Variants in SMC5 observed in about 807,000 individuals in gnomAD.
SMC5 encodes the protein structural maintenance of chromosomes protein 5.
SMC5 carries 88 observed loss-of-function variants against 148.3 expected under a neutral mutation model. The observed-to-expected ratio is 0.59, with a 90% CI of 0.50 to 0.71. SMC5 has a LOEUF of 0.71. SMC5 is among the 30% of genes least tolerant of loss of function. The pLI, the probability that SMC5 is intolerant of heterozygous loss-of-function variation, is 0.00. For synonymous variants in SMC5, 421 were observed against 432.8 expected, an observed-to-expected ratio of 0.97 and a Z score of 0.34; for missense variants, 1,142 against 1,298.9, an observed-to-expected ratio of 0.88 and a Z score of 1.86.
At chr9:70,337,536 A>G (rs1230697331) in intron 17 of SMC5, among the ~76,000 whole-genome samples, 1 of 144,876 alleles carries the variant, frequency 6.9e-6, no homozygotes, top group Non-Finnish European at 1.5e-5. Flanking sequence ...GCTCACTGCA[A>G]CCTCAGTCTC....
At position 70,300,274 on chromosome 9, in the gene SMC5, A is replaced by T. The variant is rs895581052; in HGVS notation, c.1464+74A>T. 4 of 1,353,176 alleles carry T rather than the reference A, an allele frequency of 3.0e-6. No homozygotes were observed. In the African/African-American group the frequency reaches 6.0e-5, roughly 20 times the overall value. The allele number at this position is 1,353,176 out of a possible 1,614,324, so 83.8% of individuals were successfully genotyped here. ...ATAGATTTTTGTTTTAAGACATTTTAGTCCCAATATTACCCTGGTTTTACA... is the reference window on the plus strand; with the variant it reads ...ATAGATTTTTGTTTTAAGACATTTTTGTCCCAATATTACCCTGGTTTTACA... On this transcript the variant is annotated intron_variant, in intron 10 of 24. Transcript: ENST00000361138.
chr9:70,263,620 G>T (rs1347005628), intron 1 of SMC5, among the ~76,000 whole-genome samples: 2 of 152,132 alleles, frequency 1.3e-5, no homozygotes, highest in African/African-American at 4.8e-5. Flanking sequence ...ATAAAGATTA[G>T]ATGCTAACTA....
At chr9:70,325,432 TC>T (rs1390432527) in intron 17 of SMC5, among the ~76,000 whole-genome samples, 4 of 152,162 alleles carry the variant, frequency 2.6e-5, no homozygotes, top group African/African-American at 9.7e-5. Flanking sequence ...ACTGCCAGCA[TC>T]CTGATCATCT....
chr9:70,331,387 C>G (rs976976707), intron 17 of SMC5, among the ~76,000 whole-genome samples: 5 of 151,512 alleles, frequency 3.3e-5, no homozygotes. Context: ...CTGATTTAAA[C>G]AAATCAACTA....
At chr9:70,306,853 T>C (rs1368119960) in intron 11 of SMC5, among the ~76,000 whole-genome samples, 1 of 152,228 alleles carries the variant, frequency 6.6e-6, no homozygotes, top group African/African-American at 2.4e-5. Flanking sequence ...ATATTTTAAA[T>C]TGTGAAATTT....
At chr9:70,323,273 C>T (rs1189729437) in intron 15 of SMC5, among the ~76,000 whole-genome samples, 1 of 152,060 alleles carries the variant, frequency 6.6e-6, no homozygotes, top group African/African-American at 2.4e-5. Flanking sequence ...TTAACTCTCC[C>T]CACTTTAGCT....
intron 5 of SMC5, among the ~76,000 whole-genome samples, chr9:70,280,472 C>A (rs1159693682): frequency 1.3e-5 from 2 of 152,164 alleles, no homozygotes; most frequent in African/African-American, 4.8e-5. Flanking sequence ...GATATTTGGG[C>A]AAGAAGAGCC....
intron 16 of SMC5, 97 bp downstream of exon 16, chr9:70,323,703 T>G: frequency 7.5e-7 from 1 of 1,327,702 alleles, no homozygotes; most frequent in Non-Finnish European, 1.0e-6. Context: ...TGATTAAGGT[T>G]TTTGACATTT....
At chr9:70,299,661 C>T (rs2035305469) in intron 9 of SMC5, among the ~76,000 whole-genome samples, 1 of 151,820 alleles carries the variant, frequency 6.6e-6, no homozygotes, top group Non-Finnish European at 1.5e-5. Context: ...TCATCATCCC[C>T]CCCCCTTTTT....
rs149572152 is a variant in SMC5 at position 70,274,908 on chromosome 9, A to G, written c.381-2402A>G. Among the ~76,000 whole-genome samples, 288 of 152,100 alleles carry G rather than the reference A, an allele frequency of 1.9e-3. 2 individuals are homozygous for G. The highest frequency in any genetic ancestry group is 6.7e-3 in the African/African-American group (280 of 41,546). Reference sequence around the variant, plus strand: ...CTATCTTTTTAAAACTCCTCAAAACATTATTATTAATATAATATAGTTATA... The same window carrying G: ...CTATCTTTTTAAAACTCCTCAAAACGTTATTATTAATATAATATAGTTATA... On this transcript the variant is annotated intron_variant, in intron 3 of 24. Transcript: ENST00000361138.
chr9:70,319,208 C>T (rs1587688157), intron 15 of SMC5, among the ~76,000 whole-genome samples: 1 of 151,986 alleles, frequency 6.6e-6, no homozygotes, highest in East Asian at 1.9e-4. Flanking sequence ...TTAATGAGGA[C>T]CTTGAAGAGG....
intron 9 of SMC5, 152 bp downstream of exon 9, chr9:70,298,373 T>A (rs1437228668): frequency 1.2e-6 from 1 of 816,188 alleles, no homozygotes; most frequent in East Asian, 2.7e-5. Flanking sequence ...CATACCTTAA[T>A]TATCTATATC....
chr9:70,344,147 C>T lies in SMC5; in HGVS notation c.2401C>T (p.His801Tyr), dbSNP rs2036599003. Residue 801 changes from histidine (H) to tyrosine (Y), a missense_variant, in exon 18 of 25, where the codon CAT (histidine) becomes TAT (tyrosine). Physicochemically the swap from His to Tyr is moderately conservative, Grantham distance 83. Coordinates refer to ENST00000361138, the MANE Select transcript of SMC5 (RefSeq NM_015110.4). ...ASSQLRLTEQ[H>Y]FIELDENRQR... ...TCAAAATAAATTTTTTTAATAGCAA[C>T]ATTTCATTGAATTGGATGAAAATAG... 1 of 1,508,128 alleles carries T rather than the reference C, an allele frequency of 6.6e-7. No individual in the cohort carries two copies. The highest frequency in any genetic ancestry group is 1.4e-5 in the African/African-American group (1 of 70,780). 93.4% of individuals were successfully genotyped at this position (1,508,128 alleles called of 1,614,324 possible). A position where few individuals can be genotyped will look rare whatever the true frequency, so the allele number is the denominator to read the frequency against.
chr9:70,259,944 T>TC (rs1343086910), intron 1 of SMC5, among the ~76,000 whole-genome samples: 1 of 144,654 alleles, frequency 6.9e-6, no homozygotes, highest in East Asian at 2.0e-4. Flanking sequence ...TTTTTTTTTT[T>TC]CCTCTTTTTT....
Position 70,282,464 on chromosome 9 carries a change from G to A in SMC5, c.862G>A (p.Val288Ile), listed in dbSNP as rs762963288. Residue 288 changes from valine to isoleucine, a missense_variant, in exon 7 of 25, where the codon GTT (valine) becomes ATT (isoleucine). Coordinates refer to ENST00000361138, the MANE Select transcript of SMC5 (RefSeq NM_015110.4). ...TCAGGAATATGAAGAAGTAAAACTA[G>A]TTCGTGACCGAGTGAAGGAAGAGGT... ...VRQEYEEVKL[V>I]RDRVKEEVRK... 1 of 1,605,930 alleles carries A rather than the reference G, an allele frequency of 6.2e-7. No individual in the cohort carries two copies. Among genetic ancestry groups the A allele is most frequent in the Non-Finnish European group, 8.5e-7 (1 of 1,177,630 alleles).
At chr9:70,297,004 A>G (rs928840502) in intron 8 of SMC5, among the ~76,000 whole-genome samples, 5 of 152,094 alleles carry the variant, frequency 3.3e-5, no homozygotes, top group African/African-American at 1.2e-4. Context: ...TTCCATTGGA[A>G]GAAAATAGTT....
At position 70,286,404 on chromosome 9, in the gene SMC5, G is replaced by T. The variant is rs76586733; in HGVS notation, c.1053+133G>T. On this transcript the variant is annotated intron_variant, in intron 8 of 24. Coordinates refer to ENST00000361138, the MANE Select transcript of SMC5 (RefSeq NM_015110.4). Reference sequence around the variant, plus strand: ...GCATTCTCTATTTCTTAATCCGAGGGAAAGTAAGATTTGGAAGTATAGTAG... The same window carrying T: ...GCATTCTCTATTTCTTAATCCGAGGTAAAGTAAGATTTGGAAGTATAGTAG... 2,088 of 592,760 alleles carry T rather than the reference G, an allele frequency of 3.5e-3. 40 individuals are homozygous for T. Among genetic ancestry groups the T allele is most frequent in the African/African-American group, 0.035 (1,813 of 51,902 alleles). The allele number at this position is 592,760 out of a possible 1,614,324, so 36.7% of individuals were successfully genotyped here. A position where few individuals can be genotyped will look rare whatever the true frequency, so the allele number is the denominator to read the frequency against.
chr9:70,292,065 G>A (rs1002816958), intron 8 of SMC5, among the ~76,000 whole-genome samples: 12 of 152,058 alleles, frequency 7.9e-5, no homozygotes, highest in Non-Finnish European at 1.3e-4. Flanking sequence ...TTCCCAGATT[G>A]TTACAAGCAT....
intron 17 of SMC5, among the ~76,000 whole-genome samples, chr9:70,336,132 A>G (rs2036350445): frequency 6.6e-6 from 1 of 152,152 alleles, no homozygotes; most frequent in Non-Finnish European, 1.5e-5. Context: ...GCATAAATGT[A>G]TTTGTTACAT....
Sources: allele counts gnomAD v4.1 joint callset (sites outside exome capture counted in the v4.1 genomes callset), GRCh38; gene constraint gnomAD v4.1.1; transcripts MANE v1.5; gene names NCBI Gene and HGNC (gene_info 2026-07-23, HGNC 2026-07-21).